The following WWOX variants were observed in gnomAD, a reference collection of about 807,000 sequenced individuals.
WWOX encodes the protein WW domain containing oxidoreductase, also known as WW domain-containing oxidoreductase.
In WWOX, 69 loss-of-function variants were observed where a neutral mutation model predicts 46.2. The observed-to-expected ratio is 1.49, with a 90% confidence interval of 1.23 to 1.82. The LOEUF is 1.82. WWOX is among the 40% of genes most tolerant of loss of function. The pLI is 0.00. For synonymous variants in WWOX, 359 were observed against 202.6 expected (o/e 1.77, Z -6.56); for missense variants, 919 against 542.6 (o/e 1.69, Z -6.89).
intron 8 of WWOX, among the ~76,000 whole-genome samples, chr16:78,918,864 A>G (rs372208578): frequency 1.1e-4 from 16 of 152,268 alleles, no homozygotes; most frequent in African/African-American, 3.1e-4. Context: ...CGTTCCAAAT[A>G]TGAGCACTTT....
intron 8 of WWOX, among the ~76,000 whole-genome samples, chr16:78,531,894 A>T (rs1003528249): frequency 1.3e-5 from 2 of 152,134 alleles, no homozygotes; most frequent in African/African-American, 4.8e-5. Context: ...AAAATTGTTT[A>T]AACCTGCCAA....
intron 8 of WWOX, among the ~76,000 whole-genome samples, chr16:78,708,173 A>G (rs992069188): frequency 1.3e-5 from 2 of 152,182 alleles, no homozygotes; most frequent in Non-Finnish European, 1.5e-5. Flanking sequence ...CCAGAGTGGT[A>G]GAGCAAGACC....
At chr16:79,190,466 A>G (rs761388197) in intron 8 of WWOX, among the ~76,000 whole-genome samples, 78 of 152,204 alleles carry the variant, frequency 5.1e-4, no homozygotes, top group Non-Finnish European at 1.1e-3. Flanking sequence ...TCAGACCCAC[A>G]GAGGCCTTAC....
chr16:78,595,091 G>C (rs1372844544), intron 8 of WWOX, among the ~76,000 whole-genome samples: 1 of 152,192 alleles, frequency 6.6e-6, no homozygotes, highest in Admixed American at 6.5e-5. Flanking sequence ...ATGCGCATGA[G>C]GCTGTGTTAG....
At chr16:78,576,323 T>C (rs149215559) in intron 8 of WWOX, among the ~76,000 whole-genome samples, 1,766 of 152,342 alleles carry the variant, frequency 0.012, 34 homozygotes, top group Middle Eastern at 0.048. Context: ...TTCTTTCTTT[T>C]ATTCAAAATT....
chr16:78,575,326 G>A (rs1291819786), intron 8 of WWOX, among the ~76,000 whole-genome samples: 1 of 150,072 alleles, frequency 6.7e-6, no homozygotes, highest in Non-Finnish European at 1.5e-5. Flanking sequence ...ACTGTTCCTA[G>A]TTAGTATTTA....
At chr16:78,661,993 G>A (rs940831115) in intron 8 of WWOX, among the ~76,000 whole-genome samples, 7 of 152,170 alleles carry the variant, frequency 4.6e-5, no homozygotes, top group African/African-American at 1.7e-4. Flanking sequence ...GCAATGAACC[G>A]AGATTGTGCC....
At position 78,903,134 on chromosome 16, in the gene WWOX, G is replaced by T. The variant is rs181523595; in HGVS notation, c.1057-308474G>T. Among the ~76,000 whole-genome samples, 3 of 152,334 alleles carry T rather than the reference G, an allele frequency of 2.0e-5. No individual in the cohort carries two copies. The East Asian group carries it at 5.8e-4, about 29-fold the overall frequency. ...GAACGGCCCAAGCAGCCACTCAGGG[G>T]CCCTGGATAGAGAATCTTCTGGAGT... On this transcript the variant is annotated intron_variant, in intron 8 of 8. Transcript: ENST00000566780.
At chr16:78,197,754 A>G (rs978884335) in intron 5 of WWOX, among the ~76,000 whole-genome samples, 1 of 152,116 alleles carries the variant, frequency 6.6e-6, no homozygotes, top group African/African-American at 2.4e-5. Context: ...CACTTGACAA[A>G]TGAGGGAGAT....
chr16:78,964,675 C>T (rs1216061873), intron 8 of WWOX, among the ~76,000 whole-genome samples: 1 of 152,196 alleles, frequency 6.6e-6, no homozygotes, highest in Non-Finnish European at 1.5e-5. Context: ...TGGCAAGGAA[C>T]CTAATGTTAA....
intron 8 of WWOX, among the ~76,000 whole-genome samples, chr16:78,633,432 C>T (rs1316200929): frequency 6.6e-6 from 1 of 152,140 alleles, no homozygotes; most frequent in Non-Finnish European, 1.5e-5. Context: ...CAAGCCTGAG[C>T]AGGTGATACT....
At chr16:78,107,921 GATTT>G (rs908591596) in intron 1 of WWOX, among the ~76,000 whole-genome samples, 6 of 151,868 alleles carry the variant, frequency 4.0e-5, no homozygotes, top group Non-Finnish European at 7.4e-5. Flanking sequence ...AATGCCTCTA[GATTT>G]ATTTATTTAT....
chr16:78,134,839 G>A (rs1370569816), intron 4 of WWOX, among the ~76,000 whole-genome samples: 1 of 152,212 alleles, frequency 6.6e-6, no homozygotes, highest in Non-Finnish European at 1.5e-5. Context: ...AGAACCAGGA[G>A]AGTGTGAGGA....
rs997971594 is a variant in WWOX at position 78,839,888 on chromosome 16, G to A, written c.1057-371720G>A. On this transcript the variant is annotated intron_variant, in intron 8 of 8. Transcript: ENST00000566780. Reference sequence around the variant, plus strand: ...TGACCTCCCAACCCCAGGAACTAGCGAAGCCTTCAGGCAGGTAAGCGCACA... The same window carrying A: ...TGACCTCCCAACCCCAGGAACTAGCAAAGCCTTCAGGCAGGTAAGCGCACA... 2.6e-5 allele frequency among the ~76,000 whole-genome samples: 4 copies of A among 152,250 alleles called. No homozygotes were observed. In the East Asian group the frequency reaches 5.8e-4, roughly 22 times the overall value.
intron 5 of WWOX, among the ~76,000 whole-genome samples, chr16:78,202,503 G>T (rs1443739583): frequency 6.6e-6 from 1 of 152,210 alleles, no homozygotes; most frequent in Non-Finnish European, 1.5e-5. Context: ...GTAGACCTCG[G>T]TTGTAACCAT....
At chr16:78,892,611 G>T (rs966906778) in intron 8 of WWOX, among the ~76,000 whole-genome samples, 10 of 152,328 alleles carry the variant, frequency 6.6e-5, no homozygotes, top group African/African-American at 2.4e-4. Context: ...GTTATCTACT[G>T]AGATTCTGCG....
intron 7 of WWOX, 91 bp downstream of exon 7, chr16:78,425,146 T>C (rs1409523223): frequency 1.0e-5 from 16 of 1,546,634 alleles, no homozygotes; most frequent in East Asian, 2.2e-5. Context: ...TAATTTTCAT[T>C]AGTCCTGCTT....
chr16:79,168,224 A>C (rs561250139), intron 8 of WWOX, among the ~76,000 whole-genome samples: 1 of 152,056 alleles, frequency 6.6e-6, no homozygotes, highest in Non-Finnish European at 1.5e-5. Flanking sequence ...ACATGTTCTC[A>C]CTTTTCTTGG....
At chr16:78,502,501 C>T (rs1458891595) in intron 8 of WWOX, among the ~76,000 whole-genome samples, 2 of 152,210 alleles carry the variant, frequency 1.3e-5, no homozygotes, top group Non-Finnish European at 2.9e-5. Context: ...ATCCCTGCGA[C>T]AGCATCTACC....
Sources: gnomAD v4.1 joint callset for allele counts (sites outside exome capture counted in the v4.1 genomes callset) on GRCh38, gnomAD v4.1.1 for gene constraint, MANE v1.5 for transcripts, NCBI Gene and HGNC (gene_info 2026-07-23, HGNC 2026-07-21) for gene names.